The following HSD17B12 variants were observed in gnomAD, a reference collection of about 807,000 sequenced individuals.
HSD17B12 encodes the protein hydroxysteroid 17-beta dehydrogenase 12, also known as very-long-chain 3-oxoacyl-CoA reductase.
HSD17B12 carries 32 observed loss-of-function variants against 39.3 expected under a neutral mutation model. The observed-to-expected ratio is 0.81, with a 90% CI of 0.61 to 1.09. HSD17B12 has a LOEUF of 1.09. Among genes scored for constraint, HSD17B12 ranks in the 50% least tolerant of loss-of-function variants. HSD17B12 has a pLI of 0.00. For synonymous variants in HSD17B12, 150 were observed against 146.7 expected (o/e 1.02, Z -0.16); for missense variants, 342 against 382.9 (o/e 0.89, Z 0.89).
At chr11:43,644,493 C>T in the HSD17B12 span, 1 of 152,500 alleles carries the variant, frequency 6.6e-6, no homozygotes, top group Non-Finnish European at 1.5e-5. Flanking sequence ...CCTTGGTCGT[C>T]TGGCATTCTG....
In HSD17B12 at chr11:43,716,096, T is replaced by G. The variant is rs532541690; in HGVS notation, c.161-34815T>G. ...GTTAAGTTTAGGTTAAACCTGAAAC[T>G]TAACTTAATTTAAAAAATCCTCTGA... is the stretch of plus-strand genomic sequence containing the variant. On this transcript the variant is annotated intron_variant, in intron 1 of 10. Coordinates refer to ENST00000278353, the MANE Select transcript of HSD17B12 (RefSeq NM_016142.3). Among the ~76,000 whole-genome samples the G allele has an allele frequency of 4.6e-5, 7 of 152,332 alleles. No individual in the cohort carries two copies. In the South Asian group the frequency reaches 1.4e-3, roughly 32 times the overall value.
chr11:43,659,047 C>T, the HSD17B12 span, among the ~76,000 whole-genome samples: 3 of 152,222 alleles, frequency 2.0e-5, no homozygotes, highest in East Asian at 1.9e-4. Flanking sequence ...CCACCCAGTT[C>T]GAGCTTCCCA....
At chr11:43,599,419 C>A in the HSD17B12 span, among the ~76,000 whole-genome samples, 2 of 152,068 alleles carry the variant, frequency 1.3e-5, no homozygotes, top group Non-Finnish European at 2.9e-5. Flanking sequence ...TTTATTTCTT[C>A]TTTTTTAGTT....
At chr11:43,707,973 A>G (rs888476732) in intron 1 of HSD17B12, among the ~76,000 whole-genome samples, 1 of 152,174 alleles carries the variant, frequency 6.6e-6, no homozygotes, top group Non-Finnish European at 1.5e-5. Context: ...TGGTTTGCAG[A>G]TGGCTGTCTT....
the HSD17B12 span, among the ~76,000 whole-genome samples, chr11:43,566,206 AG>A: frequency 6.6e-6 from 1 of 152,380 alleles, no homozygotes; most frequent in Admixed American, 6.5e-5. Context: ...CTCTTTGCAC[AG>A]TACCTGAGGT....
the HSD17B12 span, among the ~76,000 whole-genome samples, chr11:43,652,473 T>C: frequency 1.3e-5 from 2 of 152,096 alleles, no homozygotes. Flanking sequence ...CGACACTATC[T>C]ACCTGGAGAT....
intron 6 of HSD17B12, among the ~76,000 whole-genome samples, chr11:43,828,384 C>CA (rs1951271644): frequency 0.023 from 3 of 130 alleles, no homozygotes; most frequent in East Asian, 0.5. Flanking sequence ...CCTCGTGATC[C>CA]GCCGCCTCGG....
chr11:43,776,745 C>T (rs1950708751), intron 3 of HSD17B12, among the ~76,000 whole-genome samples: 1 of 152,116 alleles, frequency 6.6e-6, no homozygotes, highest in Non-Finnish European at 1.5e-5. Context: ...TTAGGTCTAA[C>T]GTTTAAGTCT....
the HSD17B12 span, among the ~76,000 whole-genome samples, chr11:43,620,703 A>G: frequency 1.3e-5 from 2 of 152,302 alleles, no homozygotes; most frequent in East Asian, 3.9e-4. Context: ...TGTTACATAA[A>G]TCAGGCAGGA....
At chr11:43,733,968 C>A in intron 1 of HSD17B12, 1 of 708,438 alleles carries the variant, frequency 1.4e-6, no homozygotes, top group South Asian at 1.5e-5. Flanking sequence ...TTGCTGTTCT[C>A]GACCACGTAA....
At chr11:43,838,266 A>G (rs1163256744) in intron 7 of HSD17B12, 51 bp from the exon 8 acceptor site, 1 of 1,195,474 alleles carries the variant, frequency 8.4e-7, no homozygotes, top group African/African-American at 1.5e-5. Flanking sequence ...ATTCACAAAC[A>G]ACTGCATACT....
At chr11:43,846,314 A>G (rs1018681976) in intron 9 of HSD17B12, among the ~76,000 whole-genome samples, 2 of 152,212 alleles carry the variant, frequency 1.3e-5, no homozygotes, top group African/African-American at 2.4e-5. Context: ...TCATTTGTCA[A>G]CTCATTTTAC....
the HSD17B12 span, among the ~76,000 whole-genome samples, chr11:43,618,513 T>C: frequency 2.0e-5 from 3 of 152,228 alleles, no homozygotes; most frequent in Admixed American, 6.5e-5. Context: ...TTGAGCCACC[T>C]TGTGCTCTAC....
chr11:43,666,520 G>C, the HSD17B12 span, among the ~76,000 whole-genome samples: 1 of 152,026 alleles, frequency 6.6e-6, no homozygotes, highest in Non-Finnish European at 1.5e-5. Context: ...TTGTTTGTTT[G>C]TTTTGTAGAG....
At chr11:43,625,750 A>G in the HSD17B12 span, among the ~76,000 whole-genome samples, 2 of 151,282 alleles carry the variant, frequency 1.3e-5, no homozygotes, top group Non-Finnish European at 3.0e-5. Flanking sequence ...CTGGGTCTAT[A>G]ATAATTCATA....
intron 1 of HSD17B12, chr11:43,681,192 T>A: frequency 7.5e-7 from 1 of 1,341,618 alleles, no homozygotes; most frequent in South Asian, 1.7e-5. Flanking sequence ...AGGTACGAAA[T>A]ACACTGCTCG....
chr11:43,696,785 G>A (rs1006599258), intron 1 of HSD17B12, among the ~76,000 whole-genome samples: 9 of 152,062 alleles, frequency 5.9e-5, no homozygotes, highest in African/African-American at 2.2e-4. Context: ...GTGACAGACT[G>A]GATAAAGAAA....
At chr11:43,634,337 C>G in the HSD17B12 span, among the ~76,000 whole-genome samples, 16 of 152,222 alleles carry the variant, frequency 1.1e-4, no homozygotes, top group African/African-American at 3.9e-4. Context: ...ACCAATGCCT[C>G]TACCTCTCAC....
chr11:43,619,576 G>A, the HSD17B12 span, among the ~76,000 whole-genome samples: 1 of 151,678 alleles, frequency 6.6e-6, no homozygotes, highest in Non-Finnish European at 1.5e-5. Flanking sequence ...ATTTTTAGTA[G>A]AGATGGGGTT....
Sources: allele counts gnomAD v4.1 joint callset (sites outside exome capture counted in the v4.1 genomes callset), GRCh38; gene constraint gnomAD v4.1.1; transcripts MANE v1.5; gene names NCBI Gene and HGNC (gene_info 2026-07-23, HGNC 2026-07-21).